The following ANKS1B variants were observed in gnomAD, a reference collection of about 807,000 sequenced individuals.
ANKS1B encodes ankyrin repeat and sterile alpha motif domain containing 1B, also known as ankyrin repeat and sterile alpha motif domain-containing protein 1B.
Under a neutral mutation model 148.3 loss-of-function variants are expected in ANKS1B, and 36 were observed. The ratio of observed to expected loss-of-function variants is 0.24; its 90% CI spans 0.19 to 0.32. The LOEUF is 0.32. Among genes scored for constraint, ANKS1B ranks in the 10% least tolerant of loss-of-function variants. The probability of loss-of-function intolerance (pLI) is 1.00; values close to 1 mark genes in which losing one functional copy is unlikely to be tolerated. For synonymous variants in ANKS1B, 542 were observed against 560.8 expected (o/e 0.97, Z 0.47); for missense variants, 1,157 against 1,542.6 (o/e 0.75, Z 4.19).
At chr12:99,895,761 T>C (rs2093360407) in intron 1 of ANKS1B, among the ~76,000 whole-genome samples, 1 of 150,936 alleles carries the variant, frequency 6.6e-6, no homozygotes, top group African/African-American at 2.4e-5. Context: ...TCAGAGTAAT[T>C]GGCCTACAAT....
intron 8 of ANKS1B, among the ~76,000 whole-genome samples, chr12:99,701,496 T>G (rs1382559530): frequency 6.6e-6 from 1 of 152,112 alleles, no homozygotes; most frequent in African/African-American, 2.4e-5. Flanking sequence ...GTAAACGAGG[T>G]ATCCACCACT....
At chr12:99,381,560 A>G (rs2093644801) in intron 12 of ANKS1B, among the ~76,000 whole-genome samples, 1 of 152,182 alleles carries the variant, frequency 6.6e-6, no homozygotes, top group Non-Finnish European at 1.5e-5. Flanking sequence ...AGAGGGTTTC[A>G]AGGGTTAAGT....
intron 9 of ANKS1B, among the ~76,000 whole-genome samples, chr12:99,619,862 A>C (rs1289112133): frequency 6.6e-6 from 1 of 152,120 alleles, no homozygotes; most frequent in Non-Finnish European, 1.5e-5. Flanking sequence ...TGTGCCTGCC[A>C]TTGGAGGACC....
intron 12 of ANKS1B, among the ~76,000 whole-genome samples, chr12:99,350,431 G>GA: frequency 6.6e-6 from 1 of 151,958 alleles, no homozygotes; most frequent in African/African-American, 2.4e-5. Context: ...AAACTATGAT[G>GA]AAAAAAGAGC....
intron 9 of ANKS1B, among the ~76,000 whole-genome samples, chr12:99,546,106 T>C (rs912364301): frequency 4.6e-5 from 7 of 152,082 alleles, no homozygotes; most frequent in Non-Finnish European, 1.0e-4. Flanking sequence ...AGAAGATTAA[T>C]AAAATGCAGC....
intron 9 of ANKS1B, chr12:99,648,154 T>A (rs529377642): frequency 6.3e-7 from 1 of 1,585,596 alleles, no homozygotes; most frequent in Non-Finnish European, 8.6e-7. Context: ...TGCTGGGAAC[T>A]GTCTTGATTT....
chr12:99,661,361 C>T (rs1218586268), intron 8 of ANKS1B, among the ~76,000 whole-genome samples: 1 of 152,152 alleles, frequency 6.6e-6, no homozygotes, highest in East Asian at 1.9e-4. Context: ...AGACATACAG[C>T]TTAGAAGGTA....
intron 1 of ANKS1B, among the ~76,000 whole-genome samples, chr12:99,857,370 T>C (rs1014265111): frequency 6.6e-6 from 1 of 152,122 alleles, no homozygotes; most frequent in Non-Finnish European, 1.5e-5. Context: ...TACAAAACAC[T>C]GCTGAAAGAA....
intron 9 of ANKS1B, among the ~76,000 whole-genome samples, chr12:99,557,098 A>AG (rs1360068532): frequency 6.6e-6 from 1 of 152,116 alleles, no homozygotes; most frequent in African/African-American, 2.4e-5. Flanking sequence ...AGCTGCCTTT[A>AG]ACATTTTTTC....
intron 17 of ANKS1B, among the ~76,000 whole-genome samples, chr12:99,010,896 C>CTTTTT (rs1364287827): frequency 1.8e-5 from 2 of 113,862 alleles, no homozygotes. Context: ...CAGGTGTGAG[C>CTTTTT]TTTTGTTTTT....
At chr12:99,091,937 T>C (rs1224181025) in intron 15 of ANKS1B, among the ~76,000 whole-genome samples, 3 of 152,240 alleles carry the variant, frequency 2.0e-5, no homozygotes, top group African/African-American at 2.4e-5. Flanking sequence ...ACACCATTTA[T>C]ATTTTTACTT....
At chr12:99,807,109 A>G (rs976988517) in intron 3 of ANKS1B, among the ~76,000 whole-genome samples, 2 of 152,248 alleles carry the variant, frequency 1.3e-5, no homozygotes, top group Non-Finnish European at 2.9e-5. Flanking sequence ...AAAGACAGAT[A>G]AGAAGGTAAA....
At chr12:99,521,869 G>A (rs2153061962) in intron 9 of ANKS1B, among the ~76,000 whole-genome samples, 1 of 152,250 alleles carries the variant, frequency 6.6e-6, no homozygotes, top group East Asian at 1.9e-4. Context: ...CACACACACT[G>A]TAAACACTTT....
At chr12:99,683,484 T>C (rs1408406318) in intron 8 of ANKS1B, among the ~76,000 whole-genome samples, 2 of 151,604 alleles carry the variant, frequency 1.3e-5, no homozygotes, top group African/African-American at 4.8e-5. Flanking sequence ...AAAATGATAA[T>C]AACAAATCGC....
intron 1 of ANKS1B, among the ~76,000 whole-genome samples, chr12:99,850,561 C>G (rs2087639409): frequency 6.6e-6 from 1 of 151,932 alleles, no homozygotes; most frequent in African/African-American, 2.4e-5. Flanking sequence ...TTCTAGGTTT[C>G]TACAAATATA....
chr12:99,835,525 T>C (rs879598197), intron 1 of ANKS1B, among the ~76,000 whole-genome samples: 11 of 152,206 alleles, frequency 7.2e-5, no homozygotes, highest in Non-Finnish European at 1.2e-4. Context: ...AGTTTGAATA[T>C]ATTTTATTTA....
intron 12 of ANKS1B, among the ~76,000 whole-genome samples, chr12:99,319,427 GCTTT>G (rs545787373): frequency 0.015 from 2,324 of 152,146 alleles, 74 homozygotes; most frequent in African/African-American, 0.053. Context: ...TTATGAAATG[GCTTT>G]CTTTGTCTCT....
intron 12 of ANKS1B, among the ~76,000 whole-genome samples, chr12:99,344,163 G>A (rs1162844330): frequency 2.8e-4 from 43 of 151,934 alleles, no homozygotes; most frequent in Non-Finnish European, 1.6e-4. Flanking sequence ...TTCCCCTGCT[G>A]TGAACTCTAT....
At chr12:99,943,513 G>A (rs1432200704) in intron 1 of ANKS1B, among the ~76,000 whole-genome samples, 3 of 152,112 alleles carry the variant, frequency 2.0e-5, no homozygotes, top group Non-Finnish European at 2.9e-5. Context: ...ACATGGCTGG[G>A]GAGGACTCAC....
Sources: gnomAD v4.1 joint callset for allele counts (sites outside exome capture counted in the v4.1 genomes callset) on GRCh38, gnomAD v4.1.1 for gene constraint, MANE v1.5 for transcripts, NCBI Gene and HGNC (gene_info 2026-07-23, HGNC 2026-07-21) for gene names.